The following GRIK1 variants were observed in gnomAD, a reference collection of about 807,000 sequenced individuals.
GRIK1 encodes the protein glutamate receptor ionotropic, kainate 1.
Under a neutral mutation model 105.7 loss-of-function variants are expected in GRIK1, and 69 were observed. The ratio of observed to expected loss-of-function variants is 0.65; its 90% confidence interval spans 0.54 to 0.80. The LOEUF is 0.80. Ranked by LOEUF, GRIK1 falls within the 30% of genes least tolerant of loss-of-function variation. The pLI is 0.00. For missense variants in GRIK1, 1,109 were observed against 1,167.3 expected, an observed-to-expected ratio of 0.95 and a Z score of 0.73; for synonymous variants, 438 against 431.3, an observed-to-expected ratio of 1.02 and a Z score of -0.19.
chr21:29,848,782 T>A (rs1422864788), intron 1 of GRIK1, among the ~76,000 whole-genome samples: 28 of 142,088 alleles, frequency 2.0e-4, no homozygotes, highest in African/African-American at 6.6e-4. Context: ...TATATATATT[T>A]TTTTTTTTTT....
chr21:29,608,169 C>T (rs774078218), intron 7 of GRIK1, among the ~76,000 whole-genome samples: 1 of 151,958 alleles, frequency 6.6e-6, no homozygotes, highest in Non-Finnish European at 1.5e-5. Flanking sequence ...TGTTAATGAG[C>T]ATTTTGGTTT....
At position 29,693,946 on chromosome 21, in the gene GRIK1, T is replaced by C. The variant is rs1232211113; in HGVS notation, c.236A>G (p.Tyr79Cys). The C allele has an allele frequency of 6.2e-7, 1 of 1,613,066 alleles. No individual in the cohort carries two copies. Among genetic ancestry groups the C allele is most frequent in the Non-Finnish European group, 8.5e-7 (1 of 1,179,094 alleles). ...AAAAAGGTTAATTCTCTGGATGTCATAGGTTAATGTGGTGTTAGGCATCAG... is the reference window on the plus strand; with the variant it reads ...AAAAAGGTTAATTCTCTGGATGTCACAGGTTAATGTGGTGTTAGGCATCAG... ...RTLMPNTTLT[Y>C]DIQRINLFDS... The change falls in exon 2 of 18, where the codon TAT becomes TGT. Residue 79 changes from tyrosine (Y) to cysteine (C), a missense_variant. Tyr to Cys is a radical substitution (Grantham distance 194, BLOSUM62 -2). Transcript: ENST00000327783.
chr21:29,636,385 G>C lies in GRIK1; in HGVS notation c.1098+6441C>G, dbSNP rs1415871565. Among the ~76,000 whole-genome samples the C allele has an allele frequency of 3.9e-5, 6 of 152,312 alleles. No individual in the cohort carries two copies. In the South Asian group the frequency reaches 1.0e-3, roughly 26 times the overall value. The stretch of plus-strand genomic sequence containing the variant: ...CATTCTACTGAATAATTTTAAGTAG[G>C]AGGGGAGATTAAAAATAGAATTGGC... On this transcript the variant is annotated intron_variant, in intron 7 of 17. Transcript: ENST00000327783.
intron 1 of GRIK1, among the ~76,000 whole-genome samples, chr21:29,878,651 G>T (rs991037405): frequency 3.9e-5 from 6 of 152,050 alleles, no homozygotes; most frequent in African/African-American, 1.4e-4. Flanking sequence ...AGGTCATGAA[G>T]GTGAAGGCCT....
chr21:29,598,493 T>C (rs996455400), intron 8 of GRIK1, among the ~76,000 whole-genome samples: 11 of 152,226 alleles, frequency 7.2e-5, no homozygotes, highest in African/African-American at 2.4e-4. Flanking sequence ...TAGCTTCTGC[T>C]TTTCCAAGTC....
rs1199039959 is a variant in GRIK1 at position 29,616,887 on chromosome 21, TAA to T, written c.1099-17952_1099-17951del. ...TTGTAGAATAATTAAGTTGAAATGG[TAA>T]AAGTCAGTTGTTTCAATAACATTAC... On this transcript the variant is annotated intron_variant, in intron 7 of 17. Coordinates refer to ENST00000327783, the MANE Select transcript of GRIK1 (RefSeq NM_001330994.2). Among the ~76,000 whole-genome samples, 6 of 152,316 alleles carry T rather than the reference TAA, an allele frequency of 3.9e-5. No individual in the cohort carries two copies. The East Asian group carries it at 1.2e-3, about 29-fold the overall frequency.
chr21:29,561,726 T>C lies in GRIK1; in HGVS notation c.2254A>G (p.Met752Val). ...ACATACTCAATGCTGGTGGACTCCA[T>C]CAGCAGCGCGTAGTCTGTGGTGAGC... is the stretch of plus-strand genomic sequence containing the variant. ...RVLTTDYALL[M>V]ESTSIEYVTQ... is the part of the protein sequence containing the mutation. The change falls in exon 15 of 18, where the codon ATG becomes GTG. Residue 752 changes from methionine to valine, a missense_variant. Met to Val is a conservative substitution (Grantham distance 21, BLOSUM62 1). Around this residue, in one of 5 missense-constraint regions of GRIK1, gnomAD observed 264 missense variants for 306.9 expected, o/e 0.86. Transcript: ENST00000327783. The C allele has an allele frequency of 6.2e-7, 1 of 1,612,366 alleles. No homozygotes were observed. The highest frequency in any genetic ancestry group is 8.5e-7 in the Non-Finnish European group (1 of 1,178,368).
chr21:29,878,200 G>A (rs1289602638), intron 1 of GRIK1, among the ~76,000 whole-genome samples: 1 of 152,094 alleles, frequency 6.6e-6, no homozygotes, highest in East Asian at 1.9e-4. Flanking sequence ...TTAAATGACT[G>A]CATTTGCTTG....
chr21:29,566,407 G>A (rs558591112), intron 14 of GRIK1, among the ~76,000 whole-genome samples: 23 of 152,150 alleles, frequency 1.5e-4, no homozygotes, highest in Admixed American at 1.5e-3. Flanking sequence ...AATCCTGAGA[G>A]GCATCTGTTT....
intron 1 of GRIK1, among the ~76,000 whole-genome samples, chr21:29,697,916 T>TTCTTTCTC (rs889879987): frequency 7.5e-6 from 1 of 132,524 alleles, no homozygotes. Flanking sequence ...CTTTCTTTCT[T>TTCTTTCTC]TCTCTCTCTC....
At chr21:29,825,968 T>C (rs868567468) in intron 1 of GRIK1, among the ~76,000 whole-genome samples, 6 of 152,084 alleles carry the variant, frequency 3.9e-5, no homozygotes, top group Admixed American at 1.3e-4. Flanking sequence ...TAGAATAATG[T>C]AACAAGTAAC....
intron 1 of GRIK1, among the ~76,000 whole-genome samples, chr21:29,797,283 A>C (rs1278113132): frequency 6.6e-6 from 1 of 152,236 alleles, no homozygotes; most frequent in African/African-American, 2.4e-5. Context: ...GAAGCCACGC[A>C]GAAAGCATCA....
intron 14 of GRIK1, among the ~76,000 whole-genome samples, chr21:29,571,274 T>C (rs2146213502): frequency 6.6e-6 from 1 of 151,954 alleles, no homozygotes; most frequent in Admixed American, 6.5e-5. Context: ...AGAGAATTGC[T>C]TGAACTCAGG....
chr21:29,569,481 G>A (rs1455871400), intron 14 of GRIK1, among the ~76,000 whole-genome samples: 1 of 152,008 alleles, frequency 6.6e-6, no homozygotes, highest in Admixed American at 6.6e-5. Context: ...AGGCTCTCTG[G>A]GTCCAGATCT....
At chr21:29,928,708 C>G (rs1445480359) in intron 1 of GRIK1, among the ~76,000 whole-genome samples, 1 of 152,124 alleles carries the variant, frequency 6.6e-6, no homozygotes, top group Non-Finnish European at 1.5e-5. Flanking sequence ...GGATGAGCAG[C>G]AGCAGAGTGA....
chr21:29,718,240 A>AGAGG (rs1319694053), intron 1 of GRIK1, among the ~76,000 whole-genome samples: 1 of 152,244 alleles, frequency 6.6e-6, no homozygotes, highest in Non-Finnish European at 1.5e-5. Context: ...ATTTTTTAGA[A>AGAGG]GAGCAAACTG....
intron 12 of GRIK1, chr21:29,582,179 G>A (rs537975264): frequency 9.2e-5 from 28 of 304,570 alleles, no homozygotes; most frequent in African/African-American, 6.0e-4. Flanking sequence ...CCTAAAGGAA[G>A]AGACAAGGCA....
intron 1 of GRIK1, among the ~76,000 whole-genome samples, chr21:29,874,773 T>C (rs144659478): frequency 6.6e-6 from 1 of 152,180 alleles, no homozygotes; most frequent in Non-Finnish European, 1.5e-5. Flanking sequence ...AGGTTGAATG[T>C]GAGAGACAGA....
chr21:29,569,291 A>C (rs149778486), intron 14 of GRIK1, among the ~76,000 whole-genome samples: 2 of 152,334 alleles, frequency 1.3e-5, no homozygotes, highest in East Asian at 3.9e-4. Flanking sequence ...ATAATATCTA[A>C]TGTTTTTATT....
Sources: gnomAD v4.1 joint callset for allele counts (sites outside exome capture counted in the v4.1 genomes callset) on GRCh38, gnomAD v4.1.1 for gene constraint, gnomAD v4.1.1 regional missense constraint, MANE v1.5 for transcripts, NCBI Gene and HGNC (gene_info 2026-07-23, HGNC 2026-07-21) for gene names.